YJU2B: variants seen among roughly 807,000 people sequenced by gnomAD.
YJU2B encodes YJU2 splicing factor homolog B, also known as probable splicing factor YJU2B.
A neutral mutation model predicts 38.0 loss-of-function variants in YJU2B; 18 were observed. The observed-to-expected ratio is 0.47, with a 90% CI of 0.33 to 0.70. YJU2B has a LOEUF of 0.70. Among genes scored for constraint, YJU2B ranks in the 30% least tolerant of loss-of-function variants. The pLI is 0.02. For missense variants in YJU2B, 538 were observed against 556.3 expected (o/e 0.97, Z 0.33); for synonymous variants, 246 against 225.4 (o/e 1.09, Z -0.82).
chr19:13,743,808 G>T (rs1047539679), upstream of YJU2B, among the ~76,000 whole-genome samples: 1 of 149,340 alleles, frequency 6.7e-6, no homozygotes, highest in Non-Finnish European at 1.5e-5. Flanking sequence ...CAGGAGAATC[G>T]CTTGAACCTG....
chr19:13,763,154 C>T lies in YJU2B; in HGVS notation c.*86C>T. ...TCACAGACTGCAGACCCCCGGCTCG[C>T]CCACCAGCCCTGGGAGAGCTCAGAT... On this transcript the variant is annotated 3_prime_UTR_variant, in exon 10 of 10. Coordinates refer to ENST00000221554, the MANE Select transcript of YJU2B (RefSeq NM_030818.4). 1 of 1,149,762 alleles carries T rather than the reference C, an allele frequency of 8.7e-7. No individual in the cohort carries two copies. Among genetic ancestry groups the T allele is most frequent in the Non-Finnish European group, 1.2e-6 (1 of 820,842 alleles). The allele number at this position is 1,149,762 out of a possible 1,614,324, so 71.2% of individuals were successfully genotyped here.
chr19:13,750,352 G>A (rs1973409961), intron 1 of YJU2B, among the ~76,000 whole-genome samples: 2 of 152,110 alleles, frequency 1.3e-5, no homozygotes, highest in East Asian at 2.0e-4. Flanking sequence ...TCAGTTTCCC[G>A]AGTAGCTGGG....
chr19:13,756,304 C>A (rs766652975), intron 4 of YJU2B, 25 bp downstream of exon 4: 29 of 1,586,078 alleles, frequency 1.8e-5, no homozygotes, highest in Non-Finnish European at 2.4e-5. Context: ...CACCTGAGGA[C>A]CCCACCGTCC....
intron 8 of YJU2B, among the ~76,000 whole-genome samples, chr19:13,762,016 G>T (rs566054966): frequency 1.1e-4 from 16 of 152,130 alleles, no homozygotes; most frequent in African/African-American, 3.9e-4. Context: ...GAACTACCAG[G>T]CCCAGTCTCT....
upstream of YJU2B, among the ~76,000 whole-genome samples, chr19:13,746,249 CA>C (rs36114411): frequency 5.0e-4 from 71 of 140,934 alleles, no homozygotes; most frequent in Middle Eastern, 3.6e-3. Flanking sequence ...GACTCCGACT[CA>C]AAAAAAAAAA....
intron 5 of YJU2B, 123 bp from the exon 6 acceptor site, chr19:13,757,663 C>A: frequency 2.6e-6 from 3 of 1,157,224 alleles, no homozygotes; most frequent in South Asian, 1.2e-5. Context: ...CCAATCCCGT[C>A]TCTAACTCCT....
At chr19:13,756,167 A>G in intron 3 of YJU2B, 30 bp from the exon 4 acceptor site, 1 of 1,586,756 alleles carries the variant, frequency 6.3e-7, no homozygotes, top group South Asian at 1.1e-5. Flanking sequence ...GCTCAGCAGC[A>G]CTAATCCGCT....
At chr19:13,749,073 G>C (rs1973356783) in intron 1 of YJU2B, among the ~76,000 whole-genome samples, 1 of 152,142 alleles carries the variant, frequency 6.6e-6, no homozygotes. Flanking sequence ...GCGTGATCTC[G>C]GTTCACTGCA....
chr19:13,752,972 A>G (rs1973527104), intron 2 of YJU2B, among the ~76,000 whole-genome samples: 2 of 152,096 alleles, frequency 1.3e-5, no homozygotes, highest in Non-Finnish European at 2.9e-5. Flanking sequence ...TTCTTTCTTG[A>G]GACCTGTGTT....
intron 6 of YJU2B, 83 bp downstream of exon 6, chr19:13,757,929 G>T (rs1014314012): frequency 1.9e-5 from 23 of 1,229,156 alleles, no homozygotes; most frequent in African/African-American, 3.0e-5. Flanking sequence ...GTTGCGGGGG[G>T]AACCCATTCC....
chr19:13,748,750 A>G (rs1973345439), intron 1 of YJU2B, among the ~76,000 whole-genome samples: 1 of 152,150 alleles, frequency 6.6e-6, no homozygotes, highest in Admixed American at 6.5e-5. Flanking sequence ...CCAGCTGATG[A>G]GGAGTGGAGC....
chr19:13,736,122 T>TAGGAATATCC (rs1972938798), intron 2 of YJU2B, among the ~76,000 whole-genome samples: 2 of 152,044 alleles, frequency 1.3e-5, no homozygotes, highest in South Asian at 4.1e-4. Context: ...GTCTGGAATA[T>TAGGAATATCC]AGGAATATCC....
intron 2 of YJU2B, among the ~76,000 whole-genome samples, chr19:13,733,903 ATTCT>A (rs1972881198): frequency 6.6e-6 from 1 of 152,176 alleles, no homozygotes; most frequent in African/African-American, 2.4e-5. Flanking sequence ...ATAGATTTGA[ATTCT>A]TTATTTTATT....
intron 2 of YJU2B, among the ~76,000 whole-genome samples, chr19:13,740,947 A>G (rs957274364): frequency 3.3e-5 from 5 of 152,190 alleles, no homozygotes; most frequent in African/African-American, 1.2e-4. Context: ...CCCTGCGCAT[A>G]GGGTTCAGCT....
chr19:13,757,959 C>T (rs535783238), intron 6 of YJU2B, 113 bp downstream of exon 6: 9 of 919,840 alleles, frequency 9.8e-6, no homozygotes, highest in African/African-American at 8.2e-5. Flanking sequence ...TCCTGGAAAT[C>T]GCCCTGGTTG....
upstream of YJU2B, among the ~76,000 whole-genome samples, chr19:13,746,241 C>G (rs1973246906): frequency 6.6e-6 from 1 of 151,594 alleles, no homozygotes; most frequent in African/African-American, 2.4e-5. Context: ...GACAGTGAGA[C>G]TCCGACTCAA....
At chr19:13,740,707 TTG>T (rs1029923815) in intron 2 of YJU2B, among the ~76,000 whole-genome samples, 1 of 152,058 alleles carries the variant, frequency 6.6e-6, no homozygotes, top group African/African-American at 2.4e-5. Context: ...CGGCTAATCT[TTG>T]TATTTTTAGT....
chr19:13,751,878 C>T (rs766270734), intron 2 of YJU2B, 67 bp downstream of exon 2: 11 of 1,449,192 alleles, frequency 7.6e-6, no homozygotes, highest in Non-Finnish European at 9.7e-6. Context: ...GAAGCAGCCC[C>T]TCCTCCCCTC....
At chr19:13,751,940 A>AAC in intron 2 of YJU2B, 129 bp downstream of exon 2, 1 of 883,474 alleles carries the variant, frequency 1.1e-6, no homozygotes. Context: ...CTTTTGGTGC[A>AAC]GTGGGTCTGA....
Sources: gnomAD v4.1 joint callset for allele counts (sites outside exome capture counted in the v4.1 genomes callset) on GRCh38, gnomAD v4.1.1 for gene constraint, MANE v1.5 for transcripts, NCBI Gene and HGNC (gene_info 2026-07-23, HGNC 2026-07-21) for gene names.